WWP1: variants seen among roughly 807,000 people sequenced by gnomAD.
The protein encoded by WWP1 is WW domain containing E3 ubiquitin protein ligase 1.
Under a neutral mutation model 130.6 loss-of-function variants are expected in WWP1, and 49 were observed. The ratio of observed to expected loss-of-function variants is 0.38; its 90% confidence interval spans 0.30 to 0.48. The LOEUF (loss-of-function observed/expected upper bound fraction) is 0.48, where lower values mean the gene tolerates loss of function less well. WWP1 is among the 20% of genes least tolerant of loss of function. The pLI is 0.99. For synonymous variants in WWP1, 332 were observed against 367.8 expected (o/e 0.90, Z 1.11); for missense variants, 809 against 1,100.6 (o/e 0.74, Z 3.75).
chr8:86,362,023 TATATATACAC>T (rs1823648906), intron 1 of WWP1, among the ~76,000 whole-genome samples: 1 of 116,172 alleles, frequency 8.6e-6, no homozygotes, highest in African/African-American at 3.0e-5. Flanking sequence ...TATATACACA[TATATATACAC>T]ACACATATAT....
chr8:86,463,305 G>GTTTGTTTT, intron 24 of WWP1, among the ~76,000 whole-genome samples: 1 of 152,034 alleles, frequency 6.6e-6, no homozygotes, highest in South Asian at 2.1e-4. Context: ...GGGGTTTTTT[G>GTTTGTTTT]TTTGTTTTTT....
intron 1 of WWP1, among the ~76,000 whole-genome samples, chr8:86,354,255 T>C (rs575095594): frequency 6.6e-6 from 1 of 152,346 alleles, no homozygotes; most frequent in East Asian, 1.9e-4. Flanking sequence ...CTCATTGATG[T>C]CAGATCTATT....
chr8:86,369,609 A>G (rs1824169750), intron 2 of WWP1, among the ~76,000 whole-genome samples: 1 of 152,190 alleles, frequency 6.6e-6, no homozygotes, highest in African/African-American at 2.4e-5. Context: ...TTCTTCTCAA[A>G]TAAGTAATCT....
At chr8:86,452,233 C>A (rs969842480) in intron 20 of WWP1, among the ~76,000 whole-genome samples, 1 of 152,138 alleles carries the variant, frequency 6.6e-6, no homozygotes, top group African/African-American at 2.4e-5. Context: ...TAGATATAAA[C>A]AGGAAATAAT....
chr8:86,454,530 G>C (rs1383341824), intron 21 of WWP1, among the ~76,000 whole-genome samples: 1 of 152,048 alleles, frequency 6.6e-6, no homozygotes, highest in Non-Finnish European at 1.5e-5. Flanking sequence ...TTTTAGAGTA[G>C]TATTTATTAA....
At chr8:86,370,171 T>C (rs1303335538) in intron 2 of WWP1, among the ~76,000 whole-genome samples, 7 of 152,220 alleles carry the variant, frequency 4.6e-5, no homozygotes, top group African/African-American at 1.7e-4. Context: ...ATCATGTTTG[T>C]AGGCTTTTTA....
chr8:86,410,472 A>G (rs1315316376), intron 8 of WWP1, among the ~76,000 whole-genome samples: 2 of 152,018 alleles, frequency 1.3e-5, no homozygotes, highest in Admixed American at 1.3e-4. Context: ...TAACACTTGG[A>G]AAGGTATATT....
intron 8 of WWP1, among the ~76,000 whole-genome samples, chr8:86,409,746 G>A (rs1049194816): frequency 2.6e-5 from 4 of 151,656 alleles, no homozygotes; most frequent in East Asian, 2.0e-4. Context: ...CTGTAATCCC[G>A]GCTACTGGGG....
intron 10 of WWP1, among the ~76,000 whole-genome samples, 156 bp from the exon 11 acceptor site, chr8:86,427,487 G>T (rs550317484): frequency 6.6e-6 from 1 of 152,088 alleles, no homozygotes; most frequent in Non-Finnish European, 1.5e-5. Flanking sequence ...TGGTAGAATG[G>T]GAAGGTAATT....
rs1586527638 is a variant in WWP1, at chr8:86,464,726, A to G, written c.2670-2068A>G. 2.0e-5 allele frequency among the ~76,000 whole-genome samples: 3 copies of G among 152,196 alleles called. 1 individual carries two copies. The South Asian group carries it at 6.2e-4, about 32-fold the overall frequency. On this transcript the variant is annotated intron_variant, in intron 24 of 24. Coordinates refer to ENST00000517970, the MANE Select transcript of WWP1 (RefSeq NM_007013.4). ...GGACAAAGTTTTGCTGTGTTGTCCC[A>G]GGTGGGTCTTAAACTCTGGGCTCAA...
At chr8:86,447,371 A>G (rs1463409908) in intron 18 of WWP1, among the ~76,000 whole-genome samples, 2 of 152,086 alleles carry the variant, frequency 1.3e-5, no homozygotes, top group African/African-American at 4.8e-5. Context: ...GGTTCAAGCA[A>G]TTCTCCTGCC....
chr8:86,390,194 G>A (rs1355660635), intron 5 of WWP1, among the ~76,000 whole-genome samples: 2 of 149,568 alleles, frequency 1.3e-5, no homozygotes, highest in African/African-American at 4.9e-5. Context: ...AGGAAGAGGC[G>A]CTCCTCACTT....
intron 5 of WWP1, among the ~76,000 whole-genome samples, chr8:86,396,155 G>T (rs753247176): frequency 6.6e-5 from 10 of 151,720 alleles, no homozygotes; most frequent in Non-Finnish European, 1.2e-4. Context: ...CTGGAGTGCA[G>T]TGGCGCGATC....
At chr8:86,397,898 G>A (rs1209855602) in intron 5 of WWP1, among the ~76,000 whole-genome samples, 1 of 152,180 alleles carries the variant, frequency 6.6e-6, no homozygotes, top group Non-Finnish European at 1.5e-5. Flanking sequence ...TTAGTTTGAA[G>A]TCCATTGTCT....
chr8:86,409,669 G>A (rs532311910), intron 8 of WWP1, among the ~76,000 whole-genome samples: 2 of 151,898 alleles, frequency 1.3e-5, no homozygotes, highest in East Asian at 3.9e-4. Context: ...AGACTGGCCT[G>A]GCCAACAAGG....
chr8:86,403,314 G>T (rs2130516280), intron 8 of WWP1, among the ~76,000 whole-genome samples: 1 of 152,168 alleles, frequency 6.6e-6, no homozygotes, highest in Middle Eastern at 3.4e-3. Flanking sequence ...TTTATTTTTT[G>T]AGATGGAGTC....
intron 1 of WWP1, among the ~76,000 whole-genome samples, chr8:86,362,523 G>A (rs1488263303): frequency 1.3e-5 from 2 of 151,938 alleles, no homozygotes; most frequent in Non-Finnish European, 2.9e-5. Context: ...TCGGTGACAA[G>A]CTTAGACATC....
chr8:86,384,412 T>C (rs1825166309), intron 5 of WWP1, among the ~76,000 whole-genome samples: 1 of 152,204 alleles, frequency 6.6e-6, no homozygotes, highest in African/African-American at 2.4e-5. Context: ...TTAAAGTAAT[T>C]AAAATTAGAT....
intron 5 of WWP1, among the ~76,000 whole-genome samples, chr8:86,389,668 G>A (rs1311711421): frequency 6.6e-6 from 1 of 152,204 alleles, no homozygotes; most frequent in African/African-American, 2.4e-5. Flanking sequence ...TGAGCTGTTG[G>A]GTACACCTCC....
Sources: gnomAD v4.1 joint callset for allele counts (sites outside exome capture counted in the v4.1 genomes callset) on GRCh38, gnomAD v4.1.1 for gene constraint, MANE v1.5 for transcripts, NCBI Gene and HGNC (gene_info 2026-07-23, HGNC 2026-07-21) for gene names.